VAV3: variants seen among roughly 807,000 people sequenced by gnomAD.
VAV3 encodes the protein guanine nucleotide exchange factor VAV3.
In VAV3, 94 loss-of-function variants were observed where a neutral mutation model predicts 131.2. The ratio of observed to expected loss-of-function variants is 0.72; its 90% confidence interval spans 0.61 to 0.85. VAV3 has a LOEUF of 0.85. Among genes scored for constraint, VAV3 ranks in the 40% least tolerant of loss-of-function variants. The pLI is 0.00. For missense variants in VAV3, 939 were observed against 1,002.7 expected (o/e 0.94, Z 0.86); for synonymous variants, 349 against 342.0 (o/e 1.02, Z -0.22).
intron 15 of VAV3, among the ~76,000 whole-genome samples, chr1:107,739,732 C>T (rs142504300): frequency 1.0e-3 from 159 of 152,266 alleles, no homozygotes; most frequent in African/African-American, 3.8e-3. Context: ...AGTAAGGCCT[C>T]CAGTTTCCAA....
rs1366891084 is a variant in VAV3, at chr1:107,964,516, C to A, written c.204+150G>T. The A allele has an allele frequency of 8.4e-6, 7 of 830,788 alleles. No homozygotes were observed. The Admixed American group carries it at 1.5e-4, about 17-fold the overall frequency. 51.5% of individuals were successfully genotyped at this position (830,788 alleles called of 1,614,324 possible). ...CATTTCAAGCCAAGGTAGGAAACGC[C>A]AAAGTGGTGCCGAAGTGGTCCCAAA... On this transcript the variant is annotated intron_variant, in intron 1 of 26. Transcript: ENST00000370056.
chr1:107,574,996 TGCGTGCGCGC>T (rs1649524064), intron 25 of VAV3, among the ~76,000 whole-genome samples: 11 of 49,090 alleles, frequency 2.2e-4, no homozygotes, highest in African/African-American at 7.6e-4. Flanking sequence ...TGTGTGTGCG[TGCGTGCGCGC>T]GCGCGCGCGC....
At chr1:107,693,461 T>C (rs891105919) in intron 17 of VAV3, among the ~76,000 whole-genome samples, 5 of 152,122 alleles carry the variant, frequency 3.3e-5, no homozygotes, top group African/African-American at 1.2e-4. Context: ...CATTCAGAAA[T>C]GCACTGCATT....
At chr1:107,639,887 T>A (rs530593468) in intron 20 of VAV3, among the ~76,000 whole-genome samples, 5 of 150,912 alleles carry the variant, frequency 3.3e-5, no homozygotes, top group African/African-American at 4.9e-5. Context: ...TGAGCTACGA[T>A]TGTAGTACCA....
intron 20 of VAV3, among the ~76,000 whole-genome samples, chr1:107,633,120 AT>A (rs1287055902): frequency 6.6e-6 from 1 of 152,218 alleles, no homozygotes; most frequent in Admixed American, 6.5e-5. Context: ...GAAATAATGA[AT>A]CTCAAAACAT....
chr1:107,870,408 T>C (rs995123734), intron 2 of VAV3, among the ~76,000 whole-genome samples: 3 of 152,296 alleles, frequency 2.0e-5, no homozygotes, highest in East Asian at 1.9e-4. Flanking sequence ...CATTTTTTCA[T>C]ATGTTTGTTG....
At chr1:107,671,716 T>G (rs1657806851) in intron 19 of VAV3, among the ~76,000 whole-genome samples, 1 of 152,126 alleles carries the variant, frequency 6.6e-6, no homozygotes, top group Non-Finnish European at 1.5e-5. Context: ...AGCCATAGAA[T>G]ATTTTTCTTC....
chr1:107,625,497 C>T lies in VAV3; in HGVS notation c.1915-7865G>A, dbSNP rs546711455. On this transcript the variant is annotated intron_variant, in intron 20 of 26. Coordinates refer to ENST00000370056, the MANE Select transcript of VAV3 (RefSeq NM_006113.5). ...GGCCAGGCTGGTTTCAAACTCCTGA[C>T]CTCAAATCATCCACTTGCCCCAGCC... Among the ~76,000 whole-genome samples the T allele has an allele frequency of 2.6e-5, 4 of 152,160 alleles. No individual in the cohort carries two copies. The South Asian group carries it at 8.3e-4, about 32-fold the overall frequency.
chr1:107,637,118 G>A (rs987007023), intron 20 of VAV3, among the ~76,000 whole-genome samples: 14 of 152,018 alleles, frequency 9.2e-5, no homozygotes, highest in Non-Finnish European at 1.9e-4. Context: ...ATACATTACT[G>A]ATATCGGGAA....
intron 20 of VAV3, among the ~76,000 whole-genome samples, chr1:107,621,879 A>C (rs900922610): frequency 1.3e-5 from 2 of 152,252 alleles, no homozygotes; most frequent in South Asian, 4.1e-4. Flanking sequence ...TCTGCAGGGC[A>C]TCTCTGTACT....
intron 1 of VAV3, among the ~76,000 whole-genome samples, chr1:107,889,000 C>A (rs753414818): frequency 6.6e-6 from 1 of 152,064 alleles, no homozygotes; most frequent in Non-Finnish European, 1.5e-5. Flanking sequence ...ACCTACCCAG[C>A]ACCAGTGGGT....
chr1:107,948,727 C>T (rs928418109), intron 1 of VAV3, among the ~76,000 whole-genome samples: 1 of 152,012 alleles, frequency 6.6e-6, no homozygotes, highest in Non-Finnish European at 1.5e-5. Flanking sequence ...CCTGTAATCC[C>T]AGCTACTCAG....
intron 5 of VAV3, 121 bp downstream of exon 5, chr1:107,772,613 AT>A: frequency 1.3e-6 from 1 of 741,748 alleles, no homozygotes; most frequent in East Asian, 2.7e-5. Context: ...AGTCATAATT[AT>A]ATAGTTATAA....
intron 25 of VAV3, among the ~76,000 whole-genome samples, chr1:107,594,537 A>C (rs1651218758): frequency 6.6e-6 from 1 of 152,120 alleles, no homozygotes; most frequent in Non-Finnish European, 1.5e-5. Flanking sequence ...TATTTGCTGA[A>C]AAATTTATCT....
intron 1 of VAV3, among the ~76,000 whole-genome samples, chr1:107,951,811 C>CAAA (rs57472214): frequency 8.4e-5 from 12 of 143,458 alleles, no homozygotes; most frequent in African/African-American, 2.6e-4. Flanking sequence ...ATCAAAAAGT[C>CAAA]AAAAAAAAAA....
intron 1 of VAV3, among the ~76,000 whole-genome samples, chr1:107,898,742 T>C (rs1671724368): frequency 6.6e-6 from 1 of 152,102 alleles, no homozygotes; most frequent in Non-Finnish European, 1.5e-5. Context: ...AAAACACATA[T>C]CCCATAAAAT....
At position 107,749,590 on chromosome 1, in the gene VAV3, T is replaced by C. The variant is rs780113769; in HGVS notation, c.1264A>G (p.Ile422Val). Residue 422 changes from isoleucine (I) to valine (V), a missense_variant, in exon 14 of 27, where the codon ATC becomes GTC. Physicochemically the swap from Ile to Val is conservative, Grantham distance 29. Transcript: ENST00000370056. ...LDKHTKQERH[I>V]FLFDLAVIVC... ...ATCACTGCCAAATCAAATAAGAAGA[T>C]ATGCCTGGGAAAAAGAGATTGATTG... 3.7e-6 allele frequency: 6 copies of C among 1,608,922 alleles called. No individual in the cohort carries two copies. The highest frequency in any genetic ancestry group is 5.1e-6 in the Non-Finnish European group (6 of 1,178,782).
intron 15 of VAV3, among the ~76,000 whole-genome samples, chr1:107,714,663 C>T (rs1383246719): frequency 2.0e-5 from 3 of 151,914 alleles, no homozygotes; most frequent in Non-Finnish European, 2.9e-5. Context: ...ACTAATTATG[C>T]TGCTGGTTAT....
At chr1:107,961,217 A>C (rs1032144628) in intron 1 of VAV3, among the ~76,000 whole-genome samples, 1 of 152,206 alleles carries the variant, frequency 6.6e-6, no homozygotes, top group Non-Finnish European at 1.5e-5. Flanking sequence ...AGCATAGTAT[A>C]AAGCAAAATT....
Sources: gnomAD v4.1 joint callset for allele counts (sites outside exome capture counted in the v4.1 genomes callset) on GRCh38, gnomAD v4.1.1 for gene constraint, MANE v1.5 for transcripts, NCBI Gene and HGNC (gene_info 2026-07-23, HGNC 2026-07-21) for gene names.